Variants in PSMF1 observed in about 807,000 individuals in gnomAD.
PSMF1 encodes proteasome inhibitor PI31 subunit.
Under a neutral mutation model 29.3 loss-of-function variants are expected in PSMF1, and 30 were observed. That is an observed-to-expected ratio of 1.02 (90% CI 0.77 to 1.39). PSMF1 has a LOEUF of 1.39. Ranked by LOEUF, PSMF1 falls within the 40% of genes most tolerant of loss-of-function variation. The probability of loss-of-function intolerance (pLI) is 0.00; values close to 1 mark genes in which losing one functional copy is unlikely to be tolerated. For missense variants in PSMF1, 344 were observed against 357.5 expected, an observed-to-expected ratio of 0.96 and a Z score of 0.31; for synonymous variants, 134 against 139.7, an observed-to-expected ratio of 0.96 and a Z score of 0.29.
chr20:1,128,470 A>G (rs1347352996), intron 3 of PSMF1, among the ~76,000 whole-genome samples: 1 of 152,242 alleles, frequency 6.6e-6, no homozygotes, highest in Non-Finnish European at 1.5e-5. Context: ...CTGAATTGCT[A>G]CATCAGTGCC....
intron 4 of PSMF1, chr20:1,161,091 C>A: frequency 2.1e-6 from 1 of 480,214 alleles, no homozygotes; most frequent in Non-Finnish European, 3.5e-6. Flanking sequence ...TATGCCCTCC[C>A]CACGCCATCC....
At chr20:1,160,817 C>T in intron 4 of PSMF1, 1 of 452,788 alleles carries the variant, frequency 2.2e-6, no homozygotes, top group Non-Finnish European at 4.5e-6. Context: ...TTTTCACCAG[C>T]TGGGAAGGCA....
At chr20:1,118,546 C>A (rs1390645748), upstream of PSMF1, 16 of 471,212 alleles carry the variant, frequency 3.4e-5, no homozygotes. Flanking sequence ...GTGCTGCGCT[C>A]GCGTTGCCAA....
At chr20:1,133,257 CTTTATTCTTAGTTTGT>C (rs2086254576) in intron 3 of PSMF1, among the ~76,000 whole-genome samples, 1 of 150,674 alleles carries the variant, frequency 6.6e-6, no homozygotes, top group Non-Finnish European at 1.5e-5. Context: ...AGAAGTTCCC[CTTTATTCTTAGTTTGT>C]TGAGAGTTTT....
intron 4 of PSMF1, among the ~76,000 whole-genome samples, chr20:1,138,685 C>T (rs945750737): frequency 3.3e-5 from 5 of 151,780 alleles, no homozygotes; most frequent in African/African-American, 1.2e-4. Context: ...ATTAGCCAGG[C>T]TTGATGGCAT....
intron 4 of PSMF1, among the ~76,000 whole-genome samples, chr20:1,140,301 C>T (rs1488025331): frequency 6.6e-6 from 1 of 152,190 alleles, no homozygotes; most frequent in African/African-American, 2.4e-5. Flanking sequence ...TTAACCCATA[C>T]ATTCATAGGG....
Position 1,163,047 on chromosome 20 carries a change from C to T in PSMF1, c.552-83C>T. 4 of 1,479,732 alleles carry T rather than the reference C, an allele frequency of 2.7e-6. No individual in the cohort carries two copies. The South Asian group carries it at 3.5e-5, about 13-fold the overall frequency. The allele number at this position is 1,479,732 out of a possible 1,614,324, so 91.7% of individuals were successfully genotyped here. On this transcript the variant is annotated intron_variant, in intron 4 of 6. Coordinates refer to ENST00000335877, the MANE Select transcript of PSMF1 (RefSeq NM_006814.5). The surrounding 1 kb of genome is among the most constrained non-coding windows in gnomAD (Gnocchi z 6.1). ...TGGTCTCATGCAAGGGTTTCCCATG[C>T]CTGTGAGTGTGTTTGTGATCCCACA...
At chr20:1,121,201 A>G (rs959204627) in intron 1 of PSMF1, among the ~76,000 whole-genome samples, 2 of 151,756 alleles carry the variant, frequency 1.3e-5, no homozygotes, top group East Asian at 3.9e-4. Context: ...TCATGGTGCT[A>G]TTCGTTGAGC....
intron 2 of PSMF1, among the ~76,000 whole-genome samples, chr20:1,126,140 T>C (rs2086152981): frequency 1.3e-5 from 2 of 152,106 alleles, no homozygotes; most frequent in Admixed American, 1.3e-4. Context: ...CCAGTCCTAC[T>C]CCCCAAAAAA....
chr20:1,136,258 A>G (rs367586865), intron 4 of PSMF1, among the ~76,000 whole-genome samples: 1 of 152,180 alleles, frequency 6.6e-6, no homozygotes, highest in Non-Finnish European at 1.5e-5. Flanking sequence ...AGATAAGATG[A>G]CCTGCCTGAG....
chr20:1,147,040 T>A (rs1035781955), intron 4 of PSMF1, among the ~76,000 whole-genome samples: 15 of 152,114 alleles, frequency 9.9e-5, no homozygotes. Flanking sequence ...CAAAACAGAT[T>A]TGATGGAGGA....
chr20:1,161,987 TGAA>T (rs1186823155), intron 4 of PSMF1, among the ~76,000 whole-genome samples: 2 of 152,324 alleles, frequency 1.3e-5, no homozygotes, highest in African/African-American at 4.8e-5. Context: ...ATGGCTGAGG[TGAA>T]GAACATGCTT....
At chr20:1,142,472 C>T (rs1324441687) in intron 4 of PSMF1, among the ~76,000 whole-genome samples, 8 of 151,858 alleles carry the variant, frequency 5.3e-5, no homozygotes, top group Admixed American at 2.0e-4. Flanking sequence ...TTCCTGTGTC[C>T]AAGTGTTCTC....
intron 4 of PSMF1, among the ~76,000 whole-genome samples, chr20:1,150,333 G>A (rs2086512827): frequency 6.6e-6 from 1 of 152,154 alleles, no homozygotes; most frequent in South Asian, 2.1e-4. Flanking sequence ...TGAGTGAGTG[G>A]TAAGGGAGGG....
intron 4 of PSMF1, among the ~76,000 whole-genome samples, chr20:1,151,142 T>C (rs1222046356): frequency 1.3e-5 from 2 of 152,362 alleles, no homozygotes; most frequent in Non-Finnish European, 2.9e-5. Flanking sequence ...GGTTTTTTCC[T>C]GTGGATAGCA....
intron 3 of PSMF1, among the ~76,000 whole-genome samples, chr20:1,129,728 A>G (rs1047436236): frequency 6.6e-6 from 1 of 152,172 alleles, no homozygotes; most frequent in Admixed American, 6.5e-5. Flanking sequence ...ACTCTTGTGC[A>G]CTCTTGGGAA....
intron 4 of PSMF1, among the ~76,000 whole-genome samples, chr20:1,137,716 C>CA (rs1449457639): frequency 6.6e-6 from 1 of 152,006 alleles, no homozygotes; most frequent in African/African-American, 2.4e-5. Flanking sequence ...CAAACTAATT[C>CA]AAAAAATTAT....
intron 1 of PSMF1, 85 bp from the exon 2 acceptor site, chr20:1,125,413 G>A: frequency 7.2e-7 from 1 of 1,385,790 alleles, no homozygotes; most frequent in Non-Finnish European, 9.7e-7. Flanking sequence ...AGTGAGGTGG[G>A]TAAGATTAGC....
Position 1,166,010 on chromosome 20 carries a change from G to T in PSMF1, c.*930G>T. On this transcript the variant is annotated 3_prime_UTR_variant, in exon 7 of 7. Coordinates refer to ENST00000335877, the MANE Select transcript of PSMF1 (RefSeq NM_006814.5). ...CTGTGTTTGGTAACCCCTATAAACT[G>T]GGGCAGAGGAAAAGAATGATGGTTC... is the stretch of plus-strand genomic sequence containing the variant. 7.0e-7 allele frequency: 1 copy of T among 1,426,526 alleles called. No homozygotes were observed. Among genetic ancestry groups the T allele is most frequent in the South Asian group, 1.5e-5 (1 of 66,698 alleles). The allele number at this position is 1,426,526 out of a possible 1,614,324, so 88.4% of individuals were successfully genotyped here. A position where few individuals can be genotyped will look rare whatever the true frequency, so the allele number is the denominator to read the frequency against.
Sources: gnomAD v4.1 joint callset for allele counts (sites outside exome capture counted in the v4.1 genomes callset) on GRCh38, gnomAD v4.1.1 for gene constraint, Gnocchi (gnomAD v3.1) non-coding constraint, MANE v1.5 for transcripts, NCBI Gene and HGNC (gene_info 2026-07-23, HGNC 2026-07-21) for gene names.